The following COL21A1 variants were observed in gnomAD, a reference collection of about 807,000 sequenced individuals.
COL21A1 encodes the protein collagen type XXI alpha 1 chain, also known as collagen alpha-1(XXI) chain.
Under a neutral mutation model 137.9 loss-of-function variants are expected in COL21A1, and 149 were observed. The ratio of observed to expected loss-of-function variants is 1.08; its 90% CI spans 0.95 to 1.24. COL21A1 has a LOEUF of 1.24. Among genes scored for constraint, COL21A1 ranks in the 50% most tolerant of loss-of-function variants. The pLI is 0.00. For synonymous variants in COL21A1, 456 were observed against 391.5 expected (o/e 1.16, Z -1.95); for missense variants, 1,167 against 1,158.4 (o/e 1.01, Z -0.11).
chr6:56,373,806 A>C (rs1028287942), intron 1 of COL21A1, among the ~76,000 whole-genome samples: 1 of 152,248 alleles, frequency 6.6e-6, no homozygotes, highest in African/African-American at 2.4e-5. Flanking sequence ...CATTATTATT[A>C]ACCAGTGAGG....
At chr6:56,382,776 C>G (rs2094010957) in intron 1 of COL21A1, among the ~76,000 whole-genome samples, 1 of 152,118 alleles carries the variant, frequency 6.6e-6, no homozygotes, top group Admixed American at 6.5e-5. Flanking sequence ...AAATGTCCAG[C>G]CTCCATAATT....
intron 18 of COL21A1, among the ~76,000 whole-genome samples, chr6:56,076,596 T>C (rs1486938789): frequency 6.6e-6 from 1 of 151,478 alleles, no homozygotes; most frequent in East Asian, 1.9e-4. Flanking sequence ...GTGTTTATCA[T>C]TTTTAAAAAA....
At chr6:56,321,048 G>A (rs1240528903) in intron 1 of COL21A1, among the ~76,000 whole-genome samples, 1 of 152,048 alleles carries the variant, frequency 6.6e-6, no homozygotes, top group Admixed American at 6.6e-5. Flanking sequence ...TTTTAGACAT[G>A]GAAAATAATA....
chr6:56,379,914 A>G (rs763159458), intron 1 of COL21A1, among the ~76,000 whole-genome samples: 2 of 152,144 alleles, frequency 1.3e-5, no homozygotes, highest in Non-Finnish European at 2.9e-5. Context: ...GCATCTGTTC[A>G]TATATTTAGG....
rs183380654 is a variant in COL21A1, at chr6:56,122,398, C to T, written c.1758+1664G>A. Reference sequence around the variant, plus strand: ...CGCCATCTCGGCTCACTGCAAGCTCCGCCTCCTGGGATCATGCCATTCTCC... The same window carrying T: ...CGCCATCTCGGCTCACTGCAAGCTCTGCCTCCTGGGATCATGCCATTCTCC... On this transcript the variant is annotated intron_variant, in intron 16 of 29. Transcript: ENST00000244728. Among the ~76,000 whole-genome samples the T allele has an allele frequency of 1.3e-3, 199 of 151,952 alleles. 2 individuals carry two copies. The highest frequency in any genetic ancestry group is 4.5e-3 in the African/African-American group (188 of 41,464).
chr6:56,233,453 A>G (rs1001248741), intron 1 of COL21A1, among the ~76,000 whole-genome samples: 2 of 151,888 alleles, frequency 1.3e-5, no homozygotes, highest in African/African-American at 4.8e-5. Context: ...ATTAGTGAAT[A>G]AAAAGAGAAA....
Position 56,339,337 on chromosome 6 carries a change from T to C in COL21A1, c.-39+54634A>G, listed in dbSNP as rs561272974. Among the ~76,000 whole-genome samples the C allele has an allele frequency of 1.7e-4, 25 of 150,428 alleles. No individual in the cohort carries two copies. The South Asian group carries it at 5.0e-3, about 30-fold the overall frequency. On this transcript the variant is annotated intron_variant, in intron 1 of 28. Coordinates refer to the COL21A1 transcript ENST00000370819. ...ATGTTTTATTATCCAACATAAATTT[T>C]ATTACTGCGTTTAATAAAAACCTCC...
intron 13 of COL21A1, 101 bp downstream of exon 13, chr6:56,125,990 AATTAT>A: frequency 1.6e-6 from 1 of 643,184 alleles, no homozygotes; most frequent in Non-Finnish European, 2.6e-6. Flanking sequence ...CTTTATCTCT[AATTAT>A]ATATGAACAT....
At chr6:56,273,350 C>A (rs1015138028) in intron 1 of COL21A1, among the ~76,000 whole-genome samples, 1 of 145,754 alleles carries the variant, frequency 6.9e-6, no homozygotes, top group Non-Finnish European at 1.5e-5. Context: ...AACAAACTAA[C>A]CCCAAAGATA....
intron 1 of COL21A1, among the ~76,000 whole-genome samples, chr6:56,189,320 A>G (rs1384170073): frequency 4.6e-5 from 7 of 152,014 alleles, no homozygotes; most frequent in Admixed American, 4.6e-4. Context: ...TTCATGAAGC[A>G]TAAACAAGTA....
chr6:56,388,081 A>G (rs1347257277), intron 1 of COL21A1, among the ~76,000 whole-genome samples: 1 of 152,176 alleles, frequency 6.6e-6, no homozygotes, highest in Non-Finnish European at 1.5e-5. Context: ...CAGCCACAGT[A>G]AAATAAAGCA....
chr6:56,184,169 T>C (rs1194522322), intron 1 of COL21A1, among the ~76,000 whole-genome samples: 1 of 152,080 alleles, frequency 6.6e-6, no homozygotes, highest in Non-Finnish European at 1.5e-5. Context: ...GCCACAATTC[T>C]CGGATCAAAG....
chr6:56,118,039 G>A (rs1391385083), intron 16 of COL21A1, among the ~76,000 whole-genome samples: 2 of 151,374 alleles, frequency 1.3e-5, no homozygotes, highest in African/African-American at 4.8e-5. Context: ...GAAAAGCAAG[G>A]CAAACCAAAC....
intron 12 of COL21A1, chr6:56,126,457 A>C (rs1403865678): frequency 3.9e-6 from 1 of 259,522 alleles, no homozygotes; most frequent in East Asian, 1.1e-4. Flanking sequence ...CACATGAATT[A>C]ATTGAAATGA....
intron 1 of COL21A1, among the ~76,000 whole-genome samples, chr6:56,317,053 A>G (rs1421507724): frequency 1.3e-5 from 2 of 152,116 alleles, no homozygotes; most frequent in African/African-American, 2.4e-5. Flanking sequence ...TATTAGCACC[A>G]GTTTATGGCT....
chr6:56,209,697 A>G (rs1235894572), intron 1 of COL21A1, among the ~76,000 whole-genome samples: 1 of 152,296 alleles, frequency 6.6e-6, no homozygotes, highest in Admixed American at 6.5e-5. Context: ...AATTAGTTCA[A>G]CCATTGTGGA....
chr6:56,286,933 C>T (rs1763927731), intron 1 of COL21A1, among the ~76,000 whole-genome samples: 1 of 152,114 alleles, frequency 6.6e-6, no homozygotes. Flanking sequence ...AAAAGAGTAG[C>T]TTTATTTTGT....
chr6:56,303,482 T>C (rs1250007375), intron 1 of COL21A1, among the ~76,000 whole-genome samples: 4 of 152,200 alleles, frequency 2.6e-5, no homozygotes, highest in Middle Eastern at 3.2e-3. Context: ...TATTTTATAC[T>C]CTTTGAAGCA....
At chr6:56,108,236 G>A (rs1374525840) in intron 16 of COL21A1, among the ~76,000 whole-genome samples, 2 of 151,900 alleles carry the variant, frequency 1.3e-5, no homozygotes, top group Non-Finnish European at 2.9e-5. Flanking sequence ...TACAACGTGA[G>A]TATTTTGACA....
Sources: allele counts gnomAD v4.1 joint callset (sites outside exome capture counted in the v4.1 genomes callset), GRCh38; gene constraint gnomAD v4.1.1; transcripts MANE v1.5; gene names NCBI Gene and HGNC (gene_info 2026-07-23, HGNC 2026-07-21).